Variants in TENM3 observed in about 807,000 individuals in gnomAD.
The protein encoded by TENM3 is teneurin transmembrane protein 3.
TENM3 carries 63 observed loss-of-function variants against 255.1 expected under a neutral mutation model. The observed-to-expected ratio is 0.25, with a 90% confidence interval of 0.20 to 0.30. TENM3 has a LOEUF of 0.30. Ranked by LOEUF, TENM3 falls within the 10% of genes least tolerant of loss-of-function variation. The pLI is 1.00. For missense variants in TENM3, 2,929 were observed against 3,461.1 expected, an observed-to-expected ratio of 0.85 and a Z score of 3.86; for synonymous variants, 1,306 against 1,322.3, an observed-to-expected ratio of 0.99 and a Z score of 0.27.
intron 16 of TENM3, among the ~76,000 whole-genome samples, chr4:182,736,266 G>A (rs1031509536): frequency 1.3e-5 from 2 of 152,188 alleles, no homozygotes; most frequent in Non-Finnish European, 2.9e-5. Context: ...CAGCTGATGA[G>A]GCTATAGGTA....
intron 1 of TENM3, among the ~76,000 whole-genome samples, chr4:182,311,216 G>T (rs949279830): frequency 6.6e-6 from 1 of 152,206 alleles, no homozygotes; most frequent in African/African-American, 2.4e-5. Context: ...GTTTTCAGTA[G>T]ATTTTATCCT....
At chr4:182,715,632 T>C (rs1331619887) in intron 13 of TENM3, among the ~76,000 whole-genome samples, 1 of 152,122 alleles carries the variant, frequency 6.6e-6, no homozygotes, top group African/African-American at 2.4e-5. Flanking sequence ...CATAGAAGGT[T>C]GTCAGAGAAG....
intron 3 of TENM3, among the ~76,000 whole-genome samples, chr4:182,538,652 T>C (rs771904953): frequency 1.3e-5 from 2 of 152,218 alleles, no homozygotes; most frequent in African/African-American, 2.4e-5. Flanking sequence ...TTTGCATTAT[T>C]ACCTTGGTTA....
chr4:182,253,536 C>T (rs17072926), intron 1 of TENM3, among the ~76,000 whole-genome samples: 1,663 of 152,244 alleles, frequency 0.011, 12 homozygotes, highest in South Asian at 0.017. Flanking sequence ...ATTTTCCAGG[C>T]TTCAGGCTGA....
At chr4:181,630,316 G>T in the TENM3 span, among the ~76,000 whole-genome samples, 2 of 151,916 alleles carry the variant, frequency 1.3e-5, no homozygotes, top group Non-Finnish European at 2.9e-5. Context: ...TTTTTGAAGG[G>T]TTTTTTTGTG....
At chr4:181,520,466 T>C in the TENM3 span, among the ~76,000 whole-genome samples, 1 of 152,026 alleles carries the variant, frequency 6.6e-6, no homozygotes, top group East Asian at 1.9e-4. Context: ...TCTAAGGAGA[T>C]TGAAAGGCAC....
chr4:182,140,996 C>G (rs952459911), upstream of TENM3, among the ~76,000 whole-genome samples: 2 of 150,110 alleles, frequency 1.3e-5, no homozygotes, highest in Non-Finnish European at 1.5e-5. Context: ...TCCCTCCCCC[C>G]CGCCCCCCAG....
At chr4:182,782,454 A>T (rs1765253873) in intron 24 of TENM3, among the ~76,000 whole-genome samples, 1 of 120,370 alleles carries the variant, frequency 8.3e-6, no homozygotes, top group East Asian at 2.4e-4. Flanking sequence ...TTACATTTGC[A>T]GAGGAGAGCT....
intron 4 of TENM3, among the ~76,000 whole-genome samples, chr4:182,626,039 C>A (rs1381429596): frequency 6.6e-6 from 1 of 152,166 alleles, no homozygotes; most frequent in Non-Finnish European, 1.5e-5. Context: ...GTTAAAATTT[C>A]AATGTCTACA....
At chr4:182,586,891 T>C (rs558780444) in intron 3 of TENM3, among the ~76,000 whole-genome samples, 4 of 152,320 alleles carry the variant, frequency 2.6e-5, no homozygotes, top group Non-Finnish European at 5.9e-5. Flanking sequence ...TAATATATTT[T>C]TGAGAAGCAA....
Position 182,799,365 on chromosome 4 carries a change from A to T in TENM3, c.7345-231A>T, listed in dbSNP as rs547255871. ...CCATGTTAGAAACGAAGAAAGCTTTAAAGTGATCCACGATGAGTGAGCCAT... is the reference window on the plus strand; with the variant it reads ...CCATGTTAGAAACGAAGAAAGCTTTTAAGTGATCCACGATGAGTGAGCCAT... On this transcript the variant is annotated intron_variant, in intron 27 of 27. Coordinates refer to ENST00000511685, the MANE Select transcript of TENM3 (RefSeq NM_001080477.4). This position sits in a 1 kb window ranked among gnomAD's most constrained non-coding sequence, Gnocchi z 4.2. Among the ~76,000 whole-genome samples the T allele has an allele frequency of 6.6e-5, 10 of 152,336 alleles. No individual in the cohort carries two copies. The South Asian group carries it at 1.9e-3, about 28-fold the overall frequency.
the TENM3 span, among the ~76,000 whole-genome samples, chr4:181,918,427 C>T: frequency 6.6e-6 from 1 of 152,054 alleles, no homozygotes; most frequent in African/African-American, 2.4e-5. Context: ...AAATTAACTT[C>T]TTCATTATCT....
rs765465951 is a variant in TENM3 at position 182,754,808 on chromosome 4, C to G, written c.4441C>G (p.Pro1481Ala). The part of the protein sequence containing the change: ...LSAPSSLAAS[P>A]DGTLYIADLG... Reference sequence around the variant, plus strand: ...TGCCCCATCCTCCCTGGCTGCTTCTCCAGATGGTACACTGTATATTGCAGA... The same window carrying G: ...TGCCCCATCCTCCCTGGCTGCTTCTGCAGATGGTACACTGTATATTGCAGA... Residue 1481 changes from proline to alanine, a missense_variant, in exon 22 of 28, where the codon CCA becomes GCA. Pro to Ala is a conservative substitution (Grantham distance 27). Around this residue, in one of 6 missense-constraint regions of TENM3, gnomAD observed 1,608 missense variants for 1,884.4 expected, o/e 0.85. Coordinates refer to ENST00000511685, the MANE Select transcript of TENM3 (RefSeq NM_001080477.4). This position sits in a 1 kb window ranked among gnomAD's most constrained non-coding sequence, Gnocchi z 5.1. 2 of 1,614,054 alleles carry G rather than the reference C, an allele frequency of 1.2e-6. No homozygotes were observed. Among genetic ancestry groups the G allele is most frequent in the Non-Finnish European group, 1.7e-6 (2 of 1,179,896 alleles).
At chr4:181,583,349 T>A in the TENM3 span, among the ~76,000 whole-genome samples, 11 of 152,266 alleles carry the variant, frequency 7.2e-5, no homozygotes, top group African/African-American at 1.2e-4. Context: ...GCAACATGGA[T>A]GTTTTGCTAA....
chr4:181,481,107 A>G, the TENM3 span, among the ~76,000 whole-genome samples: 1 of 142,664 alleles, frequency 7.0e-6, no homozygotes, highest in South Asian at 2.2e-4. Context: ...CACTTTAAGA[A>G]TTTTGTAGAG....
chr4:182,670,613 C>G (rs763741608), intron 6 of TENM3, among the ~76,000 whole-genome samples: 1 of 152,244 alleles, frequency 6.6e-6, no homozygotes, highest in South Asian at 2.1e-4. Context: ...ACTGATGGTA[C>G]GTGTGTCATG....
At chr4:182,730,378 C>T (rs758074272) in intron 15 of TENM3, 59 bp downstream of exon 15, 3 of 1,582,120 alleles carry the variant, frequency 1.9e-6, no homozygotes, top group Non-Finnish European at 2.6e-6. Context: ...CTAGACCTTC[C>T]TGTACCACTG....
At chr4:182,436,816 G>A (rs1489145912) in intron 3 of TENM3, among the ~76,000 whole-genome samples, 1 of 151,738 alleles carries the variant, frequency 6.6e-6, no homozygotes, top group Non-Finnish European at 1.5e-5. Flanking sequence ...TCAGGAGTTC[G>A]AGACCAGCCT....
At chr4:181,679,929 G>A in the TENM3 span, among the ~76,000 whole-genome samples, 1 of 152,044 alleles carries the variant, frequency 6.6e-6, no homozygotes. Context: ...ATCATCATTT[G>A]AATCTCCTGG....
Sources: gnomAD v4.1 joint callset for allele counts (sites outside exome capture counted in the v4.1 genomes callset) on GRCh38, gnomAD v4.1.1 for gene constraint, gnomAD v4.1.1 regional missense constraint, Gnocchi (gnomAD v3.1) non-coding constraint, MANE v1.5 for transcripts, NCBI Gene and HGNC (gene_info 2026-07-23, HGNC 2026-07-21) for gene names.